Variants in EXOC4 observed in about 807,000 individuals in gnomAD.
EXOC4 encodes the protein exocyst complex component 4, also known as SEC8-like 1.
In EXOC4, 71 loss-of-function variants were observed where a neutral mutation model predicts 107.2. That is an observed-to-expected ratio of 0.66 (90% confidence interval 0.55 to 0.81). The LOEUF (loss-of-function observed/expected upper bound fraction) is 0.81, where lower values mean the gene tolerates loss of function less well. Ranked by LOEUF, EXOC4 falls within the 30% of genes least tolerant of loss-of-function variation. The pLI, the probability that EXOC4 is intolerant of heterozygous loss-of-function variation, is 0.00. For synonymous variants in EXOC4, 456 were observed against 441.2 expected, an observed-to-expected ratio of 1.03 and a Z score of -0.42; for missense variants, 1,108 against 1,189.6, an observed-to-expected ratio of 0.93 and a Z score of 1.01.
intron 7 of EXOC4, among the ~76,000 whole-genome samples, chr7:133,429,778 G>A (rs1797812450): frequency 6.6e-6 from 1 of 152,220 alleles, no homozygotes; most frequent in East Asian, 1.9e-4. Context: ...TAGCATGGCA[G>A]TACCTAATTT....
intron 9 of EXOC4, among the ~76,000 whole-genome samples, chr7:133,541,427 C>T (rs1423229347): frequency 6.6e-6 from 1 of 152,172 alleles, no homozygotes; most frequent in Non-Finnish European, 1.5e-5. Flanking sequence ...TAAATAGTTG[C>T]CTCATAAATA....
At chr7:133,954,303 T>TGG (rs1275911191) in intron 14 of EXOC4, among the ~76,000 whole-genome samples, 1 of 152,240 alleles carries the variant, frequency 6.6e-6, no homozygotes, top group East Asian at 1.9e-4. Flanking sequence ...GGATATTATT[T>TGG]GGAATACGGA....
At chr7:133,950,923 G>T (rs191755114) in intron 14 of EXOC4, among the ~76,000 whole-genome samples, 5 of 152,136 alleles carry the variant, frequency 3.3e-5, no homozygotes, top group Non-Finnish European at 5.9e-5. Context: ...TCCAATTAAC[G>T]CATTTGTTCA....
intron 15 of EXOC4, among the ~76,000 whole-genome samples, chr7:134,003,929 C>T (rs1191369166): frequency 6.6e-6 from 1 of 152,032 alleles, no homozygotes; most frequent in East Asian, 1.9e-4. Context: ...TGTGTGTGAC[C>T]AGACTGACAC....
intron 7 of EXOC4, among the ~76,000 whole-genome samples, chr7:133,470,090 T>G (rs1343808544): frequency 6.6e-6 from 1 of 152,078 alleles, no homozygotes; most frequent in East Asian, 1.9e-4. Context: ...AGGAGAGGGT[T>G]TTGTAAGCTG....
intron 11 of EXOC4, among the ~76,000 whole-genome samples, chr7:133,822,558 C>T (rs1285055722): frequency 3.3e-5 from 5 of 152,194 alleles, no homozygotes; most frequent in Non-Finnish European, 7.3e-5. Context: ...GAGCATCAAC[C>T]TCTGATGAGT....
intron 7 of EXOC4, among the ~76,000 whole-genome samples, chr7:133,385,486 T>A (rs1796707945): frequency 6.6e-6 from 1 of 152,226 alleles, no homozygotes; most frequent in Non-Finnish European, 1.5e-5. Context: ...ACCAGTTTGA[T>A]CACATTAAAG....
chr7:133,855,082 A>AATATATATATATAAATATAT (rs1293998031), intron 11 of EXOC4, among the ~76,000 whole-genome samples: 1 of 76,756 alleles, frequency 1.3e-5, no homozygotes, highest in Non-Finnish European at 2.3e-5. Context: ...AATATATCTA[A>AATATATATATATAAATATAT]ATATATATAA....
chr7:133,653,328 A>G (rs1803207716), intron 10 of EXOC4, among the ~76,000 whole-genome samples: 1 of 152,222 alleles, frequency 6.6e-6, no homozygotes, highest in African/African-American at 2.4e-5. Context: ...ACCAATTGCC[A>G]TGATAAAATG....
At chr7:133,865,620 C>T (rs1007427009) in intron 11 of EXOC4, among the ~76,000 whole-genome samples, 1 of 152,122 alleles carries the variant, frequency 6.6e-6, no homozygotes, top group Admixed American at 6.6e-5. Context: ...ACTCACAGTT[C>T]CATAGGCTGT....
intron 17 of EXOC4, among the ~76,000 whole-genome samples, chr7:134,049,684 T>C (rs557931750): frequency 8.5e-5 from 13 of 152,326 alleles, no homozygotes; most frequent in African/African-American, 2.6e-4. Context: ...GTACATACAG[T>C]GCCTGGCTAC....
chr7:133,938,159 G>T, intron 14 of EXOC4, 90 bp downstream of exon 14: 1 of 1,268,916 alleles, frequency 7.9e-7, no homozygotes, highest in African/African-American at 1.5e-5. Context: ...ACTGGTCACC[G>T]TATGGGGGCG....
chr7:133,469,472 A>G (rs1798818127), intron 7 of EXOC4, among the ~76,000 whole-genome samples: 1 of 152,150 alleles, frequency 6.6e-6, no homozygotes, highest in African/African-American at 2.4e-5. Context: ...TTGGGTTCAT[A>G]GTTGTACAGA....
the EXOC4 span, among the ~76,000 whole-genome samples, chr7:134,095,600 A>G: frequency 1.3e-5 from 2 of 152,182 alleles, no homozygotes; most frequent in African/African-American, 4.8e-5. Flanking sequence ...CAAAAACTAC[A>G]TAATACTGGC....
At chr7:133,738,523 C>T (rs551234526) in intron 10 of EXOC4, among the ~76,000 whole-genome samples, 5 of 152,120 alleles carry the variant, frequency 3.3e-5, no homozygotes, top group Non-Finnish European at 5.9e-5. Flanking sequence ...CTTTGAGCTG[C>T]ATTCTACGAG....
intron 7 of EXOC4, among the ~76,000 whole-genome samples, chr7:133,473,632 A>G (rs1051256956): frequency 2.0e-5 from 3 of 151,078 alleles, no homozygotes; most frequent in Admixed American, 6.6e-5. Flanking sequence ...ATCTTTTTCC[A>G]TATCTTTACT....
intron 14 of EXOC4, among the ~76,000 whole-genome samples, chr7:133,953,675 G>A (rs949010671): frequency 2.0e-5 from 3 of 151,970 alleles, no homozygotes; most frequent in Admixed American, 1.3e-4. Context: ...AGAAAAAAAT[G>A]TAAAAGCCCT....
chr7:133,567,821 C>G (rs1439314279), intron 9 of EXOC4, among the ~76,000 whole-genome samples: 1 of 152,136 alleles, frequency 6.6e-6, no homozygotes, highest in Non-Finnish European at 1.5e-5. Context: ...TGAGCTCACT[C>G]CTGTGATAAC....
At chr7:133,491,253 A>G (rs1003227072) in intron 9 of EXOC4, among the ~76,000 whole-genome samples, 1 of 152,236 alleles carries the variant, frequency 6.6e-6, no homozygotes, top group Non-Finnish European at 1.5e-5. Context: ...GTTCATTCCT[A>G]GAATTGTGAT....
Sources: allele counts gnomAD v4.1 joint callset (sites outside exome capture counted in the v4.1 genomes callset), GRCh38; gene constraint gnomAD v4.1.1; transcripts MANE v1.5; gene names NCBI Gene and HGNC (gene_info 2026-07-23, HGNC 2026-07-21).